IL17B: variants seen among roughly 807,000 people sequenced by gnomAD.
IL17B encodes the protein interleukin 17B.
IL17B carries 14 observed loss-of-function variants against 14.7 expected under a neutral mutation model. The observed-to-expected ratio is 0.95, with a 90% CI of 0.63 to 1.49. IL17B has a LOEUF of 1.49. IL17B is among the 40% of genes most tolerant of loss of function. The pLI, the probability that IL17B is intolerant of heterozygous loss-of-function variation, is 0.00. For synonymous variants in IL17B, 105 were observed against 94.8 expected (o/e 1.11, Z -0.62); for missense variants, 233 against 252.8 (o/e 0.92, Z 0.53).
intron 1 of IL17B, among the ~76,000 whole-genome samples, chr5:149,395,441 A>G (rs1444934950): frequency 3.9e-5 from 6 of 152,036 alleles, no homozygotes. Context: ...TTCCACACCC[A>G]CTCATATACA....
At chr5:149,389,627 G>T (rs1420505664) in intron 1 of IL17B, among the ~76,000 whole-genome samples, 1 of 152,222 alleles carries the variant, frequency 6.6e-6, no homozygotes, top group Non-Finnish European at 1.5e-5. Context: ...GGGATGGGGA[G>T]GAGGGGATCT....
At chr5:149,403,777 G>A (rs1042338839) in intron 1 of IL17B, among the ~76,000 whole-genome samples, 1 of 152,058 alleles carries the variant, frequency 6.6e-6, no homozygotes, top group African/African-American at 2.4e-5. Context: ...TTAATAACAG[G>A]GAACTCACCA....
intron 1 of IL17B, among the ~76,000 whole-genome samples, chr5:149,378,715 C>A (rs995537024): frequency 2.0e-5 from 3 of 152,200 alleles, no homozygotes. Context: ...CCTTTTTGGT[C>A]CTAGATTCTA....
At chr5:149,387,085 C>A (rs1758840538) in intron 1 of IL17B, among the ~76,000 whole-genome samples, 1 of 150,714 alleles carries the variant, frequency 6.6e-6, no homozygotes, top group African/African-American at 2.4e-5. Flanking sequence ...AGCTCAGGGG[C>A]TCTTGCTGGG....
intron 1 of IL17B, among the ~76,000 whole-genome samples, chr5:149,399,050 G>T (rs538539548): frequency 3.9e-5 from 6 of 152,180 alleles, no homozygotes; most frequent in Non-Finnish European, 7.3e-5. Context: ...ATCAGATCTC[G>T]CGAGACTCAT....
chr5:149,379,408 G>A (rs190074120), upstream of IL17B: 85 of 672,832 alleles, frequency 1.3e-4, no homozygotes, highest in South Asian at 1.0e-3. Context: ...TGAGCCTAGC[G>A]CAGTGGCAGG....
rs1401949675 is a variant in IL17B, at chr5:149,374,568, T to C, written c.344A>G (p.Asp115Gly). The change falls in exon 3 of 3, where the codon GAC (aspartate) becomes GGC (glycine). Residue 115 changes from aspartate to glycine, a missense_variant. Transcript: ENST00000261796. The surrounding 1 kb of genome is among the most constrained non-coding windows in gnomAD (Gnocchi z 5.0). Reference sequence around the variant, plus strand: ...ACACAGGCACCGTGCCTCCGGCAGGTCCACGGGGATACGGCTGGGGTCGTG... The same window carrying C: ...ACACAGGCACCGTGCCTCCGGCAGGCCCACGGGGATACGGCTGGGGTCGTG... ...INHDPSRIPV[D>G]LPEARCLCLG... The C allele has an allele frequency of 6.2e-7, 1 of 1,612,562 alleles. No homozygotes were observed. The highest frequency in any genetic ancestry group is 8.5e-7 in the Non-Finnish European group (1 of 1,179,420).
At chr5:149,400,470 G>A (rs914344835) in intron 1 of IL17B, among the ~76,000 whole-genome samples, 1 of 152,168 alleles carries the variant, frequency 6.6e-6, no homozygotes, top group Admixed American at 6.5e-5. Context: ...GGAGTGTTTG[G>A]TTACAGCAGC....
rs193160573 is a variant in IL17B, at chr5:149,400,680, C to T, written n.95+3428G>A. On this transcript the variant is annotated intron_variant and non_coding_transcript_variant, in intron 1 of 2. Coordinates refer to the IL17B transcript ENST00000505432. ...GAGACACAGAAGAGGAGAGTTATCT[C>T]GGAAATTGGCTTACATGATTATAAA... is the stretch of plus-strand genomic sequence containing the variant. Among the ~76,000 whole-genome samples the T allele has an allele frequency of 1.8e-3, 281 of 152,288 alleles. 2 individuals carry two copies. Among genetic ancestry groups the T allele is most frequent in the Non-Finnish European group, 1.4e-3 (96 of 68,028 alleles).
chr5:149,386,062 T>C (rs1229660450), intron 1 of IL17B, among the ~76,000 whole-genome samples: 3 of 152,234 alleles, frequency 2.0e-5, no homozygotes, highest in Non-Finnish European at 4.4e-5. Flanking sequence ...TACAAACCGA[T>C]GGTACTTATC....
intron 1 of IL17B, among the ~76,000 whole-genome samples, chr5:149,397,041 A>G (rs577385167): frequency 2.6e-5 from 4 of 152,196 alleles, no homozygotes; most frequent in Non-Finnish European, 4.4e-5. Context: ...TACTCTCTGC[A>G]CTTGTACTTG....
At chr5:149,388,263 G>A (rs1461567548) in intron 1 of IL17B, among the ~76,000 whole-genome samples, 1 of 152,158 alleles carries the variant, frequency 6.6e-6, no homozygotes, top group Non-Finnish European at 1.5e-5. Flanking sequence ...GGATTGTTTG[G>A]CCCTTCAGTC....
rs1318805759 is a variant in IL17B at position 149,376,995 on chromosome 5, C to A, written c.52G>T (p.Gly18Trp). ...LFLLTISIFL[G>W]LGQPRSPKSK... Reference sequence around the variant, plus strand: ...TTGGGGCTCCTGGGCTGGCCCAGCCCCAGGAAGATGGAAATGGTAAGAAGA... The same window carrying A: ...TTGGGGCTCCTGGGCTGGCCCAGCCACAGGAAGATGGAAATGGTAAGAAGA... The change falls in exon 2 of 3, where the codon GGG becomes TGG. Residue 18 changes from glycine to tryptophan, a missense_variant. Gly to Trp is a radical substitution (Grantham distance 184). Coordinates refer to ENST00000261796, the MANE Select transcript of IL17B (RefSeq NM_014443.3). The A allele has an allele frequency of 6.4e-7, 1 of 1,570,594 alleles. No homozygotes were observed. The highest frequency in any genetic ancestry group is 8.6e-7 in the Non-Finnish European group (1 of 1,163,394).
chr5:149,397,983 A>C (rs573529881), intron 1 of IL17B, among the ~76,000 whole-genome samples: 13 of 152,146 alleles, frequency 8.5e-5, no homozygotes, highest in African/African-American at 3.1e-4. Flanking sequence ...GATCTTCCCT[A>C]CCTATTCCAC....
chr5:149,393,635 C>T (rs141420948), intron 1 of IL17B, among the ~76,000 whole-genome samples: 98 of 152,264 alleles, frequency 6.4e-4, no homozygotes, highest in African/African-American at 2.3e-3. Flanking sequence ...CAGTGGACAC[C>T]TTCTTCCTAA....
chr5:149,392,163 C>T (rs760130563), intron 1 of IL17B, among the ~76,000 whole-genome samples: 3 of 152,242 alleles, frequency 2.0e-5, no homozygotes, highest in Non-Finnish European at 2.9e-5. Context: ...CGCTCTTCTA[C>T]GCCTTTGTCC....
upstream of IL17B, chr5:149,379,337 C>T: frequency 7.6e-7 from 1 of 1,307,608 alleles, no homozygotes; most frequent in Non-Finnish European, 1.1e-6. Flanking sequence ...CAACTGGGGG[C>T]TGCTGGGGGA....
chr5:149,378,060 C>T (rs1236357534), intron 1 of IL17B, among the ~76,000 whole-genome samples: 2 of 152,064 alleles, frequency 1.3e-5, no homozygotes, highest in African/African-American at 2.4e-5. Context: ...AGGAGAATGG[C>T]CTGAACCCGG....
chr5:149,401,418 A>C (rs1268430861), intron 1 of IL17B, among the ~76,000 whole-genome samples: 1 of 152,160 alleles, frequency 6.6e-6, no homozygotes, highest in Non-Finnish European at 1.5e-5. Flanking sequence ...TAAAAGTGAT[A>C]ATTGGACTGG....
Sources: allele counts gnomAD v4.1 joint callset (sites outside exome capture counted in the v4.1 genomes callset), GRCh38; gene constraint gnomAD v4.1.1; non-coding constraint Gnocchi (gnomAD v3.1); transcripts MANE v1.5; gene names NCBI Gene and HGNC (gene_info 2026-07-23, HGNC 2026-07-21).